The following VPS54 variants were observed in gnomAD, a reference collection of about 807,000 sequenced individuals.
The protein encoded by VPS54 is VPS54 subunit of GARP complex.
Under a neutral mutation model 121.5 loss-of-function variants are expected in VPS54, and 45 were observed. The ratio of observed to expected loss-of-function variants is 0.37; its 90% CI spans 0.29 to 0.47. VPS54 has a LOEUF of 0.47. Ranked by LOEUF, VPS54 falls within the 20% of genes least tolerant of loss-of-function variation. The pLI is 0.99. For missense variants in VPS54, 1,090 were observed against 1,131.4 expected (o/e 0.96, Z 0.52); for synonymous variants, 371 against 385.8 (o/e 0.96, Z 0.45).
intron 22 of VPS54, among the ~76,000 whole-genome samples, chr2:63,895,803 A>C (rs1328911437): frequency 3.3e-5 from 5 of 152,202 alleles, no homozygotes; most frequent in Non-Finnish European, 5.9e-5. Context: ...TTCTGTTAGC[A>C]TGTGACAGTG....
chr2:64,016,872 G>T (rs183391176), intron 1 of VPS54, among the ~76,000 whole-genome samples: 2 of 152,068 alleles, frequency 1.3e-5, no homozygotes, highest in African/African-American at 4.8e-5. Context: ...GCTTCCCAAA[G>T]TGGTGGGATT....
chr2:64,018,368 C>A (rs1369991922), intron 1 of VPS54, among the ~76,000 whole-genome samples: 1 of 152,080 alleles, frequency 6.6e-6, no homozygotes, highest in East Asian at 1.9e-4. Flanking sequence ...AAGTCAACGA[C>A]GGGAGAGCAG....
At chr2:63,946,392 C>A (rs1254416771) in intron 9 of VPS54, among the ~76,000 whole-genome samples, 2 of 151,996 alleles carry the variant, frequency 1.3e-5, no homozygotes, top group Non-Finnish European at 2.9e-5. Flanking sequence ...CTGTTGGGTG[C>A]ATACCTAGGA....
intron 1 of VPS54, among the ~76,000 whole-genome samples, chr2:63,991,346 T>C (rs1353182993): frequency 1.3e-5 from 2 of 152,146 alleles, no homozygotes; most frequent in East Asian, 1.9e-4. Flanking sequence ...GAACCATGAG[T>C]GTAAAATGGC....
chr2:63,909,992 T>C (rs1449333258), intron 20 of VPS54, among the ~76,000 whole-genome samples: 1 of 152,062 alleles, frequency 6.6e-6, no homozygotes, highest in African/African-American at 2.4e-5. Context: ...CTCCCAAAAG[T>C]GCTGGGATTA....
In VPS54 at chr2:63,934,025, T is replaced by C. The variant is rs752523772; in HGVS notation, c.1399-12A>G. On this transcript the variant is annotated splice_polypyrimidine_tract_variant and intron_variant, in intron 11 of 22. Coordinates refer to ENST00000272322, the MANE Select transcript of VPS54 (RefSeq NM_016516.3). ...ATATTTAATGTTGCCTACAAGAAAATAGGACACACTTTTAAGGGACGTAAA... is the reference window on the plus strand; with the variant it reads ...ATATTTAATGTTGCCTACAAGAAAACAGGACACACTTTTAAGGGACGTAAA... 16 of 1,602,952 alleles carry C rather than the reference T, an allele frequency of 1.0e-5. No individual in the cohort carries two copies. Among genetic ancestry groups the C allele is most frequent in the Admixed American group, 3.4e-5 (2 of 59,060 alleles).
chr2:63,913,846 A>C (rs1324776315), intron 17 of VPS54: 19 of 1,073,126 alleles, frequency 1.8e-5, no homozygotes, highest in Non-Finnish European at 2.1e-5. Context: ...GAATTTTGTA[A>C]AGTTCAGTGA....
chr2:63,982,303 G>A (rs922695792), intron 2 of VPS54, among the ~76,000 whole-genome samples: 9 of 151,802 alleles, frequency 5.9e-5, no homozygotes, highest in Non-Finnish European at 8.8e-5. Flanking sequence ...ATCATGGCAG[G>A]ATCTCCTAGA....
intron 7 of VPS54, among the ~76,000 whole-genome samples, chr2:63,953,114 A>G (rs935889705): frequency 1.3e-5 from 2 of 148,338 alleles, no homozygotes; most frequent in African/African-American, 5.0e-5. Context: ...ACACAACCCC[A>G]TGAAATTTTT....
At chr2:63,922,586 G>C (rs1673695561) in intron 12 of VPS54, among the ~76,000 whole-genome samples, 1 of 152,112 alleles carries the variant, frequency 6.6e-6, no homozygotes, top group Admixed American at 6.5e-5. Flanking sequence ...ACCACCTATG[G>C]AGGAGAACAC....
intron 12 of VPS54, among the ~76,000 whole-genome samples, chr2:63,922,960 CA>C (rs1472198182): frequency 6.6e-6 from 1 of 150,940 alleles, no homozygotes; most frequent in African/African-American, 2.4e-5. Flanking sequence ...TGAATTAATC[CA>C]AAAAGCCCAA....
chr2:63,980,033 T>G (rs1277095402), intron 3 of VPS54, among the ~76,000 whole-genome samples: 2 of 152,196 alleles, frequency 1.3e-5, no homozygotes, highest in Non-Finnish European at 2.9e-5. Flanking sequence ...ATATTCTGCT[T>G]GTCCTATTAT....
intron 4 of VPS54, among the ~76,000 whole-genome samples, chr2:63,971,560 T>C (rs937005784): frequency 6.6e-6 from 1 of 152,194 alleles, no homozygotes; most frequent in African/African-American, 2.4e-5. Context: ...TATTCCCTTT[T>C]CTTGGAATGT....
chr2:63,972,916 T>G (rs1260510127), intron 3 of VPS54, among the ~76,000 whole-genome samples: 2 of 151,658 alleles, frequency 1.3e-5, no homozygotes, highest in Non-Finnish European at 2.9e-5. Flanking sequence ...TAGAAATTAG[T>G]TATTGACACG....
At chr2:64,009,481 A>G (rs1678327843) in intron 1 of VPS54, among the ~76,000 whole-genome samples, 1 of 151,896 alleles carries the variant, frequency 6.6e-6, no homozygotes, top group East Asian at 1.9e-4. Context: ...ACACCCGGCT[A>G]ATCTTTGTAT....
chr2:63,912,554 C>T lies in VPS54; in HGVS notation c.2530G>A (p.Asp844Asn). ...TGAAAAAGTACCTTAGTGATATGAT[C>T]AAAATGCCTAAGCATGCTATATTGC... ...PKQYSMLRHF[D>N]HITKDYHDHI... The change falls in exon 19 of 23, where the codon GAT becomes AAT. Residue 844 changes from aspartate to asparagine, a missense_variant. Physicochemically the swap from Asp to Asn is conservative, Grantham distance 23. Transcript: ENST00000272322. 1 of 1,611,690 alleles carries T rather than the reference C, an allele frequency of 6.2e-7. No homozygotes were observed. The highest frequency in any genetic ancestry group is 8.5e-7 in the Non-Finnish European group (1 of 1,179,402).
intron 1 of VPS54, among the ~76,000 whole-genome samples, chr2:63,986,190 G>A (rs1377528655): frequency 1.3e-5 from 2 of 152,086 alleles, no homozygotes; most frequent in African/African-American, 4.8e-5. Context: ...TAATCACCCT[G>A]TTAGGCAAGC....
At chr2:63,976,915 G>A (rs370957226) in intron 3 of VPS54, among the ~76,000 whole-genome samples, 30 of 132,730 alleles carry the variant, frequency 2.3e-4, no homozygotes, top group Admixed American at 6.2e-4. Context: ...TGCAACCTCC[G>A]CCTCCCAGGT....
chr2:63,950,468 T>C (rs934998703), intron 7 of VPS54, among the ~76,000 whole-genome samples: 1 of 152,164 alleles, frequency 6.6e-6, no homozygotes, highest in African/African-American at 2.4e-5. Flanking sequence ...ACAGGGGCAT[T>C]GTTCAACACC....
Sources: allele counts gnomAD v4.1 joint callset (sites outside exome capture counted in the v4.1 genomes callset), GRCh38; gene constraint gnomAD v4.1.1; transcripts MANE v1.5; gene names NCBI Gene and HGNC (gene_info 2026-07-23, HGNC 2026-07-21).